Variants in TTC39B observed in about 807,000 individuals in gnomAD.
TTC39B encodes tetratricopeptide repeat protein 39B.
Under a neutral mutation model 96.6 loss-of-function variants are expected in TTC39B, and 92 were observed. The ratio of observed to expected loss-of-function variants is 0.95; its 90% CI spans 0.80 to 1.13. The LOEUF is 1.13. TTC39B is among the 50% of genes most tolerant of loss of function. TTC39B has a pLI of 0.00. For synonymous variants in TTC39B, 367 were observed against 299.4 expected, an observed-to-expected ratio of 1.23 and a Z score of -2.33; for missense variants, 955 against 809.3, an observed-to-expected ratio of 1.18 and a Z score of -2.18.
rs539164576 is a variant in TTC39B, at chr9:15,207,095, G to T, written c.691+2993C>A. ...TTGCTTCCTCTTTGCCTCCTGCCAT[G>T]ACTTTAAGTTTCCTGAGGTCTCCCC... On this transcript the variant is annotated intron_variant, in intron 6 of 19. Coordinates refer to ENST00000512701, the Ensembl canonical transcript of TTC39B. 1.6e-3 allele frequency among the ~76,000 whole-genome samples: 248 copies of T among 152,322 alleles called. 2 individuals are homozygous for T. Among genetic ancestry groups the T allele is most frequent in the Non-Finnish European group, 2.3e-3 (157 of 68,020 alleles).
chr9:15,235,494 C>T (rs561292437), intron 2 of TTC39B, among the ~76,000 whole-genome samples: 1 of 152,262 alleles, frequency 6.6e-6, no homozygotes, highest in East Asian at 1.9e-4. Context: ...AGACGAACTT[C>T]ACCAAGGCAT....
exon 20 of TTC39B, chr9:15,166,666 A>G (rs1817522301): frequency 6.6e-6 from 1 of 152,142 alleles, no homozygotes; most frequent in Non-Finnish European, 1.5e-5. Flanking sequence ...GTAAAAGACA[A>G]AACTACCAAC....
intron 1 of TTC39B, among the ~76,000 whole-genome samples, chr9:15,305,806 C>T (rs1441625631): frequency 6.6e-6 from 1 of 151,616 alleles, no homozygotes; most frequent in East Asian, 1.9e-4. Flanking sequence ...AATAATAGCA[C>T]CGCCTCAACA....
intron 1 of TTC39B, among the ~76,000 whole-genome samples, chr9:15,294,186 G>C (rs1824288972): frequency 6.7e-6 from 1 of 148,516 alleles, no homozygotes; most frequent in African/African-American, 2.5e-5. Flanking sequence ...TTTAGAAAGA[G>C]CAGTCTATTG....
chr9:15,185,595 C>T (rs1227739704), intron 15 of TTC39B, 189 bp from the exon 16 acceptor site: 1 of 735,652 alleles, frequency 1.4e-6, no homozygotes, highest in East Asian at 3.5e-5. Context: ...AGGGCCGGGG[C>T]CGAGCAATCT....
chr9:15,208,430 G>C (rs915731938), intron 6 of TTC39B, among the ~76,000 whole-genome samples: 1 of 152,088 alleles, frequency 6.6e-6, no homozygotes, highest in Non-Finnish European at 1.5e-5. Context: ...AGGAAAAAGG[G>C]AGGCAGAGGT....
chr9:15,269,774 G>C (rs752921151), intron 1 of TTC39B, among the ~76,000 whole-genome samples: 2 of 151,270 alleles, frequency 1.3e-5, no homozygotes, highest in African/African-American at 4.9e-5. Context: ...ATAATCGCTT[G>C]AACCTGGGAG....
In TTC39B at chr9:15,268,694, C is replaced by A. The variant is rs369855992; in HGVS notation, c.241-746G>T. ...CCACAACCCAGCTTAATCTTCCAAG[C>A]ATCCTTCTCTGACATCCCTACCACT... On this transcript the variant is annotated intron_variant, in intron 1 of 19. Coordinates refer to ENST00000512701, the Ensembl canonical transcript of TTC39B. Among the ~76,000 whole-genome samples, 8 of 152,288 alleles carry A rather than the reference C, an allele frequency of 5.3e-5. No homozygotes were observed. The South Asian group carries it at 1.7e-3, about 32-fold the overall frequency.
intron 1 of TTC39B, among the ~76,000 whole-genome samples, chr9:15,270,039 C>T (rs1265607103): frequency 6.6e-6 from 1 of 151,630 alleles, no homozygotes; most frequent in Non-Finnish European, 1.5e-5. Flanking sequence ...CATGGTGGTG[C>T]ATTTCTGTAA....
At chr9:15,269,624 C>G (rs373460380) in intron 1 of TTC39B, among the ~76,000 whole-genome samples, 1 of 152,116 alleles carries the variant, frequency 6.6e-6, no homozygotes, top group African/African-American at 2.4e-5. Flanking sequence ...GAGGCCGAGG[C>G]GGGTGGATCA....
intron 8 of TTC39B, among the ~76,000 whole-genome samples, chr9:15,193,593 C>T (rs529477189): frequency 7.4e-4 from 112 of 152,276 alleles, no homozygotes; most frequent in Non-Finnish European, 1.2e-3. Flanking sequence ...CTACAAGCAT[C>T]CCCTGCTGTC....
intron 2 of TTC39B, among the ~76,000 whole-genome samples, chr9:15,244,636 C>T (rs1029093676): frequency 1.3e-5 from 2 of 152,164 alleles, no homozygotes; most frequent in Non-Finnish European, 1.5e-5. Flanking sequence ...GTTATGGGAG[C>T]CAAGAACTTC....
intron 2 of TTC39B, among the ~76,000 whole-genome samples, chr9:15,227,517 G>C (rs10961922): frequency 0.18 from 26,911 of 152,098 alleles, 3,195 homozygotes; most frequent in East Asian, 0.64. Context: ...GGTGTGGGTG[G>C]TGGGAGGGAA....
At chr9:15,232,741 A>T (rs1188937441) in intron 2 of TTC39B, among the ~76,000 whole-genome samples, 1 of 152,200 alleles carries the variant, frequency 6.6e-6, no homozygotes, top group African/African-American at 2.4e-5. Flanking sequence ...CCTCTGGTGT[A>T]CTAAATCTGG....
chr9:15,225,932 G>A (rs768814426), exon 3 of TTC39B: 49 of 1,613,618 alleles, frequency 3.0e-5, no homozygotes, highest in South Asian at 2.6e-4. Context: ...GACAGTAGAC[G>A]CTCCGCGCTG....
intron 1 of TTC39B, among the ~76,000 whole-genome samples, chr9:15,293,653 A>G (rs934702969): frequency 6.6e-6 from 1 of 152,228 alleles, no homozygotes; most frequent in African/African-American, 2.4e-5. Flanking sequence ...GCACACTAAA[A>G]TATGAGAACC....
chr9:15,245,560 G>A (rs775188143), intron 2 of TTC39B, among the ~76,000 whole-genome samples: 11 of 152,042 alleles, frequency 7.2e-5, no homozygotes, highest in African/African-American at 1.4e-4. Flanking sequence ...GCAAATAAAC[G>A]CTATATATTG....
chr9:15,233,976 G>T (rs1216515062), intron 2 of TTC39B, among the ~76,000 whole-genome samples: 1 of 142,034 alleles, frequency 7.0e-6, no homozygotes, highest in African/African-American at 2.7e-5. Context: ...GCCGCCCATC[G>T]TCTGAGATGT....
intron 13 of TTC39B, 72 bp downstream of exon 13, chr9:15,189,502 T>C: frequency 1.3e-6 from 2 of 1,511,058 alleles, no homozygotes; most frequent in Non-Finnish European, 1.8e-6. Context: ...GTTGAATAAG[T>C]AGGTCACAGC....
Sources: gnomAD v4.1 joint callset for allele counts (sites outside exome capture counted in the v4.1 genomes callset) on GRCh38, gnomAD v4.1.1 for gene constraint, MANE v1.5 for transcripts, NCBI Gene and HGNC (gene_info 2026-07-23, HGNC 2026-07-21) for gene names.